Variants in CCDC138 observed in about 807,000 individuals in gnomAD.
CCDC138 encodes coiled-coil domain-containing protein 138.
Under a neutral mutation model 82.3 loss-of-function variants are expected in CCDC138, and 66 were observed. The observed-to-expected ratio is 0.80, with a 90% CI of 0.66 to 0.98. CCDC138 has a LOEUF of 0.98. Ranked by LOEUF, CCDC138 falls within the 50% of genes least tolerant of loss-of-function variation. The pLI is 0.00. For synonymous variants in CCDC138, 297 were observed against 265.4 expected (o/e 1.12, Z -1.16); for missense variants, 816 against 758.9 (o/e 1.08, Z -0.88).
At chr2:108,787,950 A>G in intron 1 of CCDC138, 82 bp from the exon 2 acceptor site, 1 of 1,152,686 alleles carries the variant, frequency 8.7e-7, no homozygotes, top group African/African-American at 1.6e-5. Flanking sequence ...CTTTGTAATT[A>G]ATACATAATT....
intron 11 of CCDC138, among the ~76,000 whole-genome samples, chr2:108,840,460 A>G (rs1689262938): frequency 6.6e-6 from 1 of 151,996 alleles, no homozygotes; most frequent in African/African-American, 2.4e-5. Flanking sequence ...TGTGGATGAG[A>G]TTTCTTTTGG....
intron 2 of CCDC138, chr2:108,882,919 C>CT (rs1388068921): frequency 6.6e-6 from 1 of 151,666 alleles, no homozygotes; most frequent in Non-Finnish European, 1.5e-5. Context: ...AAGACCTTGT[C>CT]TTCTTTATAT....
chr2:108,861,295 A>T (rs894728678), intron 13 of CCDC138, among the ~76,000 whole-genome samples: 2 of 151,160 alleles, frequency 1.3e-5, no homozygotes, highest in Non-Finnish European at 2.9e-5. Context: ...CATTTCGTCG[A>T]TCCTTATATA....
chr2:108,806,235 T>G (rs953516992), intron 7 of CCDC138, among the ~76,000 whole-genome samples: 1 of 152,236 alleles, frequency 6.6e-6, no homozygotes, highest in African/African-American at 2.4e-5. Context: ...GAGAGATTGC[T>G]CTTTCTCATT....
intron 12 of CCDC138, among the ~76,000 whole-genome samples, chr2:108,849,176 C>G (rs897877709): frequency 6.6e-6 from 1 of 151,940 alleles, no homozygotes; most frequent in Non-Finnish European, 1.5e-5. Context: ...AAATGAATTA[C>G]ACAGAGAAAA....
At position 108,810,108 on chromosome 2, in the gene CCDC138, T is replaced by C. The variant is rs556942357; in HGVS notation, c.856-2523T>C. 2.0e-5 allele frequency among the ~76,000 whole-genome samples: 3 copies of C among 152,284 alleles called. No individual in the cohort carries two copies. The East Asian group carries it at 5.8e-4, about 29-fold the overall frequency. ...GGCATGAGTCACCACACCCAGCCTG[T>C]TATTTCCAATTTGGATGTCTTTTAT... On this transcript the variant is annotated intron_variant, in intron 7 of 14. Coordinates refer to ENST00000295124, the MANE Select transcript of CCDC138 (RefSeq NM_144978.3).
chr2:108,858,241 C>T (rs549234619), intron 13 of CCDC138, among the ~76,000 whole-genome samples: 9 of 152,136 alleles, frequency 5.9e-5, no homozygotes, highest in South Asian at 4.2e-4. Context: ...CTACTCAGGA[C>T]GCTGAGGCAG....
Position 108,793,609 on chromosome 2 carries a change from T to G in CCDC138, c.395-931T>G, listed in dbSNP as rs536389687. The stretch of plus-strand genomic sequence containing the variant: ...ACTTTTTTTTGTTTTGTTTTGTTTT[T>G]TTTTTGAGATGGAGTCTCGCTCTGT... On this transcript the variant is annotated intron_variant, in intron 4 of 14. Coordinates refer to ENST00000295124, the MANE Select transcript of CCDC138 (RefSeq NM_144978.3). Among the ~76,000 whole-genome samples the G allele has an allele frequency of 1.9e-3, 295 of 151,866 alleles. 1 individual carries two copies. Among genetic ancestry groups the G allele is most frequent in the African/African-American group, 4.9e-3 (202 of 41,466 alleles).
downstream of CCDC138, chr2:108,878,556 C>CA (rs149846782): frequency 7.6e-4 from 158 of 207,998 alleles, 3 homozygotes; most frequent in East Asian, 0.017. Context: ...ACCATCTGGA[C>CA]AGTCAGATAT....
intron 7 of CCDC138, 101 bp from the exon 8 acceptor site, chr2:108,812,530 G>T: frequency 1.2e-6 from 1 of 815,052 alleles, no homozygotes. Context: ...TTGTTACATT[G>T]GTTAGTAATA....
intron 12 of CCDC138, among the ~76,000 whole-genome samples, chr2:108,856,059 T>C (rs556078643): frequency 1.3e-5 from 2 of 152,312 alleles, no homozygotes; most frequent in African/African-American, 4.8e-5. Context: ...GGTTGTGTAG[T>C]GTACTGAAGT....
At chr2:108,842,162 G>T (rs1689600856) in intron 11 of CCDC138, among the ~76,000 whole-genome samples, 1 of 151,742 alleles carries the variant, frequency 6.6e-6, no homozygotes, top group South Asian at 2.1e-4. Context: ...TGTGTAGCTA[G>T]GATTACAGAC....
intron 13 of CCDC138, among the ~76,000 whole-genome samples, chr2:108,869,608 T>A (rs141360093): frequency 9.7e-4 from 147 of 152,134 alleles, no homozygotes; most frequent in African/African-American, 3.3e-3. Flanking sequence ...AGGAATACCA[T>A]ACAAGATCTA....
At position 108,819,721 on chromosome 2, in the gene CCDC138, T is replaced by C. The variant is rs77972536; in HGVS notation, c.1206+3616T>C. Among the ~76,000 whole-genome samples the C allele has an allele frequency of 5.5e-3, 835 of 152,214 alleles. 2 individuals are homozygous for C. The highest frequency in any genetic ancestry group is 7.9e-3 in the Non-Finnish European group (537 of 68,018). ...CCTGTATGAAGCCAGTTGTAAAGACTCAGAAAGGTATTTGTTTTCTGTTTT... is the reference window on the plus strand; with the variant it reads ...CCTGTATGAAGCCAGTTGTAAAGACCCAGAAAGGTATTTGTTTTCTGTTTT... On this transcript the variant is annotated intron_variant, in intron 10 of 14. Transcript: ENST00000295124.
chr2:108,799,076 A>G (rs1020997099), intron 6 of CCDC138, among the ~76,000 whole-genome samples: 4 of 152,098 alleles, frequency 2.6e-5, no homozygotes, highest in African/African-American at 7.2e-5. Context: ...TGTTTGATCA[A>G]GCAACTAGAC....
chr2:108,803,717 C>T (rs1260275484), intron 6 of CCDC138, among the ~76,000 whole-genome samples: 1 of 152,184 alleles, frequency 6.6e-6, no homozygotes. Flanking sequence ...GTTGCTTCTA[C>T]AAGTTTTCTC....
chr2:108,819,149 A>T (rs1211104157), intron 10 of CCDC138, among the ~76,000 whole-genome samples: 1 of 152,302 alleles, frequency 6.6e-6, no homozygotes, highest in Non-Finnish European at 1.5e-5. Context: ...TTGCAATATA[A>T]TGACAAGGAC....
In CCDC138 at chr2:108,873,613, T is replaced by A. The variant is rs773208595; in HGVS notation, c.1832+24T>A. The A allele has an allele frequency of 2.3e-5, 35 of 1,511,678 alleles. No individual in the cohort carries two copies. The Middle Eastern group carries it at 1.0e-3, about 45-fold the overall frequency. The allele number at this position is 1,511,678 out of a possible 1,614,324, so 93.6% of individuals were successfully genotyped here. ...AAGTAAGAATTTCTTATTTCTAACA[T>A]TTTTTATTGAAAAATACCTTACTGT... On this transcript the variant is annotated intron_variant, in intron 14 of 14. Transcript: ENST00000295124.
intron 13 of CCDC138, among the ~76,000 whole-genome samples, chr2:108,871,611 T>G (rs1438309875): frequency 6.6e-6 from 1 of 152,124 alleles, no homozygotes; most frequent in East Asian, 1.9e-4. Flanking sequence ...GTCCCATTTT[T>G]TGTACATTGT....
Sources: gnomAD v4.1 joint callset for allele counts (sites outside exome capture counted in the v4.1 genomes callset) on GRCh38, gnomAD v4.1.1 for gene constraint, MANE v1.5 for transcripts, NCBI Gene and HGNC (gene_info 2026-07-23, HGNC 2026-07-21) for gene names.